The following CSMD1 variants were observed in gnomAD, a reference collection of about 807,000 sequenced individuals.
CSMD1 encodes the protein CUB and Sushi multiple domains 1.
CSMD1 carries 213 observed loss-of-function variants against 417.5 expected under a neutral mutation model. That is an observed-to-expected ratio of 0.51 (90% CI 0.46 to 0.57). The LOEUF is 0.57. Ranked by LOEUF, CSMD1 falls within the 20% of genes least tolerant of loss-of-function variation. CSMD1 has a pLI of 0.00. For missense variants in CSMD1, 6,923 were observed against 4,529.7 expected, an observed-to-expected ratio of 1.53 and a Z score of -15.17; for synonymous variants, 2,862 against 1,736.8, an observed-to-expected ratio of 1.65 and a Z score of -16.11.
intron 1 of CSMD1, among the ~76,000 whole-genome samples, chr8:4,741,503 G>C (rs138496463): frequency 6.6e-6 from 1 of 152,002 alleles, no homozygotes; most frequent in African/African-American, 2.4e-5. Flanking sequence ...AGTAGAATCC[G>C]TAAGCATGAT....
At chr8:4,306,832 A>AC (rs1437226240) in intron 3 of CSMD1, among the ~76,000 whole-genome samples, 4 of 63,948 alleles carry the variant, frequency 6.3e-5, no homozygotes, top group African/African-American at 2.6e-4. Context: ...ACATCTCCAG[A>AC]TTTAAAAAAA....
chr8:3,522,329 G>T (rs558867381), intron 10 of CSMD1, among the ~76,000 whole-genome samples: 1 of 152,144 alleles, frequency 6.6e-6, no homozygotes, highest in Admixed American at 6.5e-5. Context: ...AAATTGTAAA[G>T]GATATCTTTT....
At chr8:3,479,012 C>T (rs1303751263) in intron 11 of CSMD1, among the ~76,000 whole-genome samples, 3 of 151,980 alleles carry the variant, frequency 2.0e-5, no homozygotes, top group Non-Finnish European at 2.9e-5. Flanking sequence ...TCTCCCCAAG[C>T]CCACCCAACC....
chr8:4,011,295 G>A (rs1171471570), intron 4 of CSMD1, among the ~76,000 whole-genome samples: 3 of 152,058 alleles, frequency 2.0e-5, no homozygotes, highest in Non-Finnish European at 1.5e-5. Flanking sequence ...GTTTTTAGTG[G>A]AGAATTGCTC....
chr8:3,702,053 T>G (rs539067648), intron 7 of CSMD1: 1 of 152,352 alleles, frequency 6.6e-6, no homozygotes, highest in African/African-American at 2.4e-5. Flanking sequence ...ACGTTTATGG[T>G]TAAATACAGG....
intron 3 of CSMD1, among the ~76,000 whole-genome samples, chr8:4,045,373 T>C (rs1449774098): frequency 6.6e-6 from 1 of 152,156 alleles, no homozygotes; most frequent in South Asian, 2.1e-4. Context: ...TCAAGGACAC[T>C]GTCATTTAAA....
intron 1 of CSMD1, among the ~76,000 whole-genome samples, chr8:4,968,759 T>C (rs973089807): frequency 1.3e-5 from 2 of 152,226 alleles, no homozygotes; most frequent in African/African-American, 2.4e-5. Flanking sequence ...ACCATGTCTC[T>C]TCTTTACCAA....
chr8:3,965,329 T>C (rs551267822), intron 5 of CSMD1, among the ~76,000 whole-genome samples: 10 of 152,286 alleles, frequency 6.6e-5, no homozygotes, highest in Non-Finnish European at 8.8e-5. Flanking sequence ...AAGATAATGT[T>C]CTTTGATGCT....
At chr8:3,957,352 G>C (rs1017954088) in intron 5 of CSMD1, among the ~76,000 whole-genome samples, 1 of 152,034 alleles carries the variant, frequency 6.6e-6, no homozygotes, top group Admixed American at 6.5e-5. Context: ...TGTGTTCTAC[G>C]TGCTAGGCAC....
chr8:4,253,668 A>G (rs1803239314), intron 3 of CSMD1, among the ~76,000 whole-genome samples: 1 of 152,174 alleles, frequency 6.6e-6, no homozygotes, highest in Non-Finnish European at 1.5e-5. Context: ...AATCGTTTGC[A>G]ACATACATTG....
At chr8:3,555,191 G>T (rs1160384128) in intron 10 of CSMD1, among the ~76,000 whole-genome samples, 1 of 152,000 alleles carries the variant, frequency 6.6e-6, no homozygotes, top group Non-Finnish European at 1.5e-5. Context: ...TCTGGGAGGT[G>T]TAGGGAAAGA....
chr8:4,740,732 A>G (rs1172759725), intron 1 of CSMD1, among the ~76,000 whole-genome samples: 1 of 152,180 alleles, frequency 6.6e-6, no homozygotes, highest in Non-Finnish European at 1.5e-5. Flanking sequence ...TAGCATGGGC[A>G]ATAGAGCAAG....
chr8:4,023,475 G>A (rs1479945623), intron 4 of CSMD1, among the ~76,000 whole-genome samples: 1 of 152,110 alleles, frequency 6.6e-6, no homozygotes, highest in Non-Finnish European at 1.5e-5. Context: ...ATTAGGGATT[G>A]CAATGTTGGA....
intron 5 of CSMD1, among the ~76,000 whole-genome samples, chr8:3,777,559 C>G (rs1008928923): frequency 6.6e-6 from 1 of 152,198 alleles, no homozygotes; most frequent in African/African-American, 2.4e-5. Context: ...CAGGCTCCCT[C>G]TAGTCCACAG....
At chr8:3,769,325 G>A (rs1012758512) in intron 5 of CSMD1, among the ~76,000 whole-genome samples, 1 of 151,832 alleles carries the variant, frequency 6.6e-6, no homozygotes, top group African/African-American at 2.4e-5. Flanking sequence ...GAGAAAAATT[G>A]CAAATATGTT....
At chr8:4,533,167 G>A (rs1235137216) in intron 2 of CSMD1, among the ~76,000 whole-genome samples, 1 of 152,216 alleles carries the variant, frequency 6.6e-6, no homozygotes, top group East Asian at 1.9e-4. Context: ...ATGTTTTCAG[G>A]GTGTACCCAC....
chr8:4,119,637 G>C (rs763224418), intron 3 of CSMD1, among the ~76,000 whole-genome samples: 1 of 152,102 alleles, frequency 6.6e-6, no homozygotes, highest in Non-Finnish European at 1.5e-5. Flanking sequence ...TGCTCTGTGA[G>C]GAACAAGGAA....
intron 2 of CSMD1, among the ~76,000 whole-genome samples, chr8:4,421,137 G>T (rs1293682018): frequency 6.8e-6 from 1 of 146,622 alleles, no homozygotes; most frequent in Admixed American, 6.8e-5. Context: ...ACTGATGAAT[G>T]GAAAAAGAAA....
chr8:4,406,245 G>C (rs1383820437), intron 3 of CSMD1, among the ~76,000 whole-genome samples: 1 of 152,040 alleles, frequency 6.6e-6, no homozygotes, highest in Non-Finnish European at 1.5e-5. Context: ...TGGTGCAAGT[G>C]GCTCTCCTGG....
Sources: allele counts gnomAD v4.1 joint callset (sites outside exome capture counted in the v4.1 genomes callset), GRCh38; gene constraint gnomAD v4.1.1; transcripts MANE v1.5; gene names NCBI Gene and HGNC (gene_info 2026-07-23, HGNC 2026-07-21).